The following MRPS30 variants were observed in gnomAD, a reference collection of about 807,000 sequenced individuals.
The protein encoded by MRPS30 is large ribosomal subunit protein mL65.
MRPS30 carries 42 observed loss-of-function variants against 43.8 expected under a neutral mutation model. The observed-to-expected ratio is 0.96, with a 90% CI of 0.75 to 1.24. The LOEUF (loss-of-function observed/expected upper bound fraction) is 1.24, where lower values mean the gene tolerates loss of function less well. Among genes scored for constraint, MRPS30 ranks in the 50% most tolerant of loss-of-function variants. MRPS30 has a pLI of 0.00. For missense variants in MRPS30, 638 were observed against 570.0 expected (o/e 1.12, Z -1.22); for synonymous variants, 273 against 228.2 (o/e 1.20, Z -1.77).
In MRPS30 at chr5:44,809,222, AG is replaced by A. The variant is rs1742776691; in HGVS notation, c.261del (p.Gln87HisfsTer3). The A allele has an allele frequency of 2.5e-6, 4 of 1,613,510 alleles. No homozygotes were observed. The highest frequency in any genetic ancestry group is 3.4e-6 in the Non-Finnish European group (4 of 1,179,934). On this transcript the variant is annotated frameshift_variant, in exon 1 of 5. Coordinates refer to ENST00000507110, the MANE Select transcript of MRPS30 (RefSeq NM_016640.4). LOFTEE classifies it high-confidence loss of function. ...AAGCTGCGAATCCTCACCAAGATGC[AG>A]TTTATGAAGTACATGGTTTACCCGC... The part of the protein sequence containing the change: ...DEKLRILTKM[Q>X]FMKYMVYPQT...
At chr5:44,810,480 T>G (rs1165332021) in intron 1 of MRPS30, among the ~76,000 whole-genome samples, 1 of 152,228 alleles carries the variant, frequency 6.6e-6, no homozygotes, top group Non-Finnish European at 1.5e-5. Context: ...GAAGTAATGT[T>G]AGGACTGTAG....
Position 44,809,272 on chromosome 5 carries a change from C to A in MRPS30, c.310C>A (p.Arg104Ser). The A allele has an allele frequency of 6.2e-7, 1 of 1,613,490 alleles. No homozygotes were observed. Among genetic ancestry groups the A allele is most frequent in the Non-Finnish European group, 8.5e-7 (1 of 1,179,884 alleles). ...GCAGACCTTCGCGCTGAATGCCGAC[C>A]GCTGGTACCAGTACTTCACCAAGAC... The part of the protein sequence containing the change: ...YPQTFALNAD[R>S]WYQYFTKTVF... Residue 104 changes from arginine to serine, a missense_variant, in exon 1 of 5, where the codon CGC becomes AGC. Transcript: ENST00000507110.
chr5:44,808,954 C>T lies in MRPS30; in HGVS notation c.-9C>T. 6.3e-7 allele frequency: 1 copy of T among 1,584,682 alleles called. No individual in the cohort carries two copies. Among genetic ancestry groups the T allele is most frequent in the Non-Finnish European group, 8.6e-7 (1 of 1,167,168 alleles). On this transcript the variant is annotated 5_prime_UTR_variant, in exon 1 of 5. Coordinates refer to ENST00000507110, the MANE Select transcript of MRPS30 (RefSeq NM_016640.4). The stretch of plus-strand genomic sequence containing the variant: ...AAGTTGACCTCTGGGTCCGGAATCG[C>T]GGGCAAAGATGGCGGCGGCCAGGTG...
At position 44,809,562 on chromosome 5, in the gene MRPS30, C is replaced by T; in HGVS notation, c.600C>T (p.Leu200=). The change falls in exon 1 of 5, where the codon CTC becomes CTT. Residue 200 remains leucine (L), a splice_region_variant and synonymous_variant. Coordinates refer to ENST00000507110, the MANE Select transcript of MRPS30 (RefSeq NM_016640.4). ...PHNPALAAAA[L]DYRCPVHFYW... ...ACCCGGCCCTGGCCGCTGCCGCCCT[C>T]GGTGAGCCTTGGATTCCGCCCCAGG... 1 of 1,590,786 alleles carries T rather than the reference C, an allele frequency of 6.3e-7. No homozygotes were observed. The highest frequency in any genetic ancestry group is 8.6e-7 in the Non-Finnish European group (1 of 1,168,982).
At chr5:44,813,485 T>C (rs1742875270) in intron 4 of MRPS30, 2 of 427,084 alleles carry the variant, frequency 4.7e-6, no homozygotes, top group Admixed American at 9.0e-5. Flanking sequence ...GTTGTTTTTG[T>C]CTTTTACTTT....
rs759097657 is a variant in MRPS30, at chr5:44,813,141, A to G, written c.889A>G (p.Thr297Ala). The change falls in exon 4 of 5, where the codon ACC becomes GCC. Residue 297 changes from threonine to alanine, a missense_variant. Physicochemically the swap from Thr to Ala is moderately conservative, Grantham distance 58 (BLOSUM62 0). Transcript: ENST00000507110. Reference protein sequence around the residue: ...KTADPCCYGHTQFHLLPDKLR... With the variant: ...KTADPCCYGHAQFHLLPDKLR... ...TGCAGATCCTTGCTGTTACGGTCAC[A>G]CCCAGTTTCATCTGTTACCTGACAA... is the stretch of plus-strand genomic sequence containing the variant. 2.1e-5 allele frequency: 34 copies of G among 1,613,302 alleles called. No homozygotes were observed. The highest frequency in any genetic ancestry group is 3.3e-5 in the Admixed American group (2 of 59,862).
chr5:44,815,262 G>C lies in MRPS30; in HGVS notation c.*60G>C. Reference sequence around the variant, plus strand: ...TAAATTTTACTGAAGGAACAATAATGATGAGATTTGTAACTGTCAACTATT... The same window carrying C: ...TAAATTTTACTGAAGGAACAATAATCATGAGATTTGTAACTGTCAACTATT... On this transcript the variant is annotated 3_prime_UTR_variant, in exon 5 of 5. Transcript: ENST00000507110. The C allele has an allele frequency of 7.1e-7, 1 of 1,400,620 alleles. No homozygotes were observed. Among genetic ancestry groups the C allele is most frequent in the South Asian group, 1.4e-5 (1 of 70,504 alleles). 86.8% of individuals were successfully genotyped at this position (1,400,620 alleles called of 1,614,324 possible). A position where few individuals can be genotyped will look rare whatever the true frequency, so the allele number is the denominator to read the frequency against.
chr5:44,811,379 T>A (rs1444627983), intron 2 of MRPS30, among the ~76,000 whole-genome samples: 1 of 152,218 alleles, frequency 6.6e-6, no homozygotes, highest in Non-Finnish European at 1.5e-5. Context: ...CGGGTTAAAG[T>A]GTCATTTTGC....
chr5:44,809,627 C>A (rs1440987512), intron 1 of MRPS30, 64 bp downstream of exon 1: 3 of 1,424,188 alleles, frequency 2.1e-6, no homozygotes, highest in African/African-American at 2.9e-5. Flanking sequence ...GTTACTCTGC[C>A]GCAGATTTAC....
rs575794494 is a variant in MRPS30 at position 44,809,170 on chromosome 5, G to T, written c.208G>T (p.Val70Leu). 1 of 1,612,102 alleles carries T rather than the reference G, an allele frequency of 6.2e-7. No homozygotes were observed. Among genetic ancestry groups the T allele is most frequent in the South Asian group, 1.1e-5 (1 of 90,984 alleles). Residue 70 changes from valine (V) to leucine (L), a missense_variant, in exon 1 of 5, where the codon GTG becomes TTG. Coordinates refer to ENST00000507110, the MANE Select transcript of MRPS30 (RefSeq NM_016640.4). The stretch of plus-strand genomic sequence containing the variant: ...GCGGATCGAGCGCTGGCAGGCGACG[G>T]TGCACGCTGCGGAGTCGGTAGACGA... The part of the protein sequence containing the change: ...LRRIERWQAT[V>L]HAAESVDEKL...
chr5:44,814,871 ATATAT>A (rs1742893706), intron 4 of MRPS30, 37 bp from the exon 5 acceptor site: 1 of 1,533,226 alleles, frequency 6.5e-7, no homozygotes, highest in Non-Finnish European at 8.9e-7. Context: ...TTTGGGTAAG[ATATAT>A]TCTATGTGTA....
intron 2 of MRPS30, among the ~76,000 whole-genome samples, 189 bp from the exon 3 acceptor site, chr5:44,811,726 G>A (rs1298009663): frequency 2.0e-5 from 3 of 152,136 alleles, no homozygotes; most frequent in East Asian, 1.9e-4. Flanking sequence ...AATATGTGTC[G>A]GCTGTGTTCC....
intron 1 of MRPS30, 28 bp downstream of exon 1, chr5:44,809,591 G>A: frequency 6.4e-7 from 1 of 1,553,286 alleles, no homozygotes; most frequent in Non-Finnish European, 8.7e-7. Context: ...CCCCAGGGCG[G>A]AAGGGAGAGA....
At chr5:44,809,610 G>T (rs1435042555) in intron 1 of MRPS30, 47 bp downstream of exon 1, 9 of 1,497,524 alleles carry the variant, frequency 6.0e-6, no homozygotes, top group African/African-American at 1.4e-5. Flanking sequence ...GATGGGGATT[G>T]TACTGGGTTA....
intron 4 of MRPS30, among the ~76,000 whole-genome samples, chr5:44,814,680 A>G (rs1011296494): frequency 1.3e-5 from 2 of 152,186 alleles, no homozygotes; most frequent in African/African-American, 4.8e-5. Flanking sequence ...GTTGTTGAAA[A>G]AGATTAATCA....
intron 3 of MRPS30, among the ~76,000 whole-genome samples, chr5:44,812,567 G>A (rs1742860506): frequency 6.6e-6 from 1 of 151,934 alleles, no homozygotes. Context: ...GTCTTAGGGA[G>A]TGACCTGCAA....
intron 4 of MRPS30, among the ~76,000 whole-genome samples, chr5:44,813,800 G>C (rs140572345): frequency 6.6e-6 from 1 of 152,236 alleles, no homozygotes; most frequent in African/African-American, 2.4e-5. Flanking sequence ...TAGTGGGGGT[G>C]TGGGGTGGTA....
At position 44,809,665 on chromosome 5, in the gene MRPS30, G is replaced by A. The variant is rs1011196121; in HGVS notation, c.601+102G>A. 4 of 1,295,430 alleles carry A rather than the reference G, an allele frequency of 3.1e-6. No homozygotes were observed. The African/African-American group carries it at 6.0e-5, about 19-fold the overall frequency. 80.2% of individuals were successfully genotyped at this position (1,295,430 alleles called of 1,614,324 possible). On this transcript the variant is annotated intron_variant, in intron 1 of 4. Coordinates refer to ENST00000507110, the MANE Select transcript of MRPS30 (RefSeq NM_016640.4). ...CTCGTCATTTCTTTCTCTCTGCTTC[G>A]TTCATGTTTTCCTAGTCCTTTCGTT...
intron 4 of MRPS30, chr5:44,813,502 C>G: frequency 2.6e-6 from 1 of 386,890 alleles, no homozygotes; most frequent in Non-Finnish European, 4.5e-6. Flanking sequence ...CTTTGACCAT[C>G]TTCTGTGTGA....
Sources: allele counts gnomAD v4.1 joint callset (sites outside exome capture counted in the v4.1 genomes callset), GRCh38; gene constraint gnomAD v4.1.1; transcripts MANE v1.5; gene names NCBI Gene and HGNC (gene_info 2026-07-23, HGNC 2026-07-21).